GRIK2: variants seen among roughly 807,000 people sequenced by gnomAD.
The protein encoded by GRIK2 is glutamate receptor ionotropic, kainate 2.
GRIK2 carries 32 observed loss-of-function variants against 100.3 expected under a neutral mutation model. The ratio of observed to expected loss-of-function variants is 0.32; its 90% confidence interval spans 0.24 to 0.43. GRIK2 has a LOEUF of 0.43. GRIK2 is among the 20% of genes least tolerant of loss of function. The pLI, the probability that GRIK2 is intolerant of heterozygous loss-of-function variation, is 1.00. For missense variants in GRIK2, 843 were observed against 1,114.9 expected (o/e 0.76, Z 3.47); for synonymous variants, 417 against 389.4 (o/e 1.07, Z -0.83).
chr6:101,802,088 C>T (rs1780707313), intron 8 of GRIK2, among the ~76,000 whole-genome samples: 1 of 151,660 alleles, frequency 6.6e-6, no homozygotes, highest in South Asian at 2.1e-4. Flanking sequence ...GTCTCCTAGA[C>T]AGAAAATTGT....
chr6:101,837,243 T>C (rs62419287), intron 10 of GRIK2, among the ~76,000 whole-genome samples: 7,131 of 152,240 alleles, frequency 0.047, 239 homozygotes, highest in Middle Eastern at 0.068. Context: ...CAGACAGTAT[T>C]GTCTGAAATC....
intron 14 of GRIK2, among the ~76,000 whole-genome samples, chr6:101,988,124 TGTGTGTGTGCGCGC>T (rs1383592311): frequency 3.1e-4 from 8 of 26,146 alleles, no homozygotes; most frequent in South Asian, 1.3e-3. Flanking sequence ...TGTGTGTGTG[TGTGTGTGTGCGCGC>T]GCGCGCGCGC....
intron 14 of GRIK2, among the ~76,000 whole-genome samples, chr6:101,990,661 G>C (rs1217345441): frequency 6.6e-6 from 1 of 151,528 alleles, no homozygotes; most frequent in Non-Finnish European, 1.5e-5. Flanking sequence ...TTCATTAAGG[G>C]AAGTGAAAGG....
At chr6:101,884,812 T>G (rs1424015538) in intron 11 of GRIK2, among the ~76,000 whole-genome samples, 1 of 152,172 alleles carries the variant, frequency 6.6e-6, no homozygotes, top group Non-Finnish European at 1.5e-5. Context: ...AAACATTTAC[T>G]AAGCAGTTCC....
intron 4 of GRIK2, among the ~76,000 whole-genome samples, chr6:101,642,263 A>C (rs1276019880): frequency 2.0e-5 from 3 of 151,844 alleles, no homozygotes; most frequent in Non-Finnish European, 4.4e-5. Flanking sequence ...TACACATACA[A>C]TTTGCCATCT....
intron 5 of GRIK2, among the ~76,000 whole-genome samples, chr6:101,682,031 A>G (rs1478116532): frequency 6.6e-6 from 1 of 152,208 alleles, no homozygotes; most frequent in African/African-American, 2.4e-5. Flanking sequence ...TAATAACAAC[A>G]AAAACATTTC....
intron 7 of GRIK2, among the ~76,000 whole-genome samples, chr6:101,719,913 T>C (rs1178813132): frequency 6.6e-6 from 1 of 151,792 alleles, no homozygotes; most frequent in Admixed American, 6.6e-5. Flanking sequence ...TTTTAGGTCA[T>C]ACATTTTCTT....
chr6:101,874,604 T>G (rs1785680386), intron 11 of GRIK2, among the ~76,000 whole-genome samples: 1 of 152,086 alleles, frequency 6.6e-6, no homozygotes, highest in South Asian at 2.1e-4. Flanking sequence ...CCATATGAAT[T>G]TTAAAGTAGT....
chr6:102,052,096 C>T (rs1236616354), intron 15 of GRIK2, among the ~76,000 whole-genome samples: 1 of 152,258 alleles, frequency 6.6e-6, no homozygotes, highest in Non-Finnish European at 1.5e-5. Flanking sequence ...TCTTTGGTCT[C>T]AATGTGTCCT....
chr6:101,430,867 C>A, intron 2 of GRIK2: 2 of 337,536 alleles, frequency 5.9e-6, no homozygotes, highest in South Asian at 3.4e-5. Flanking sequence ...CGCACTATCT[C>A]CCACTAGGCA....
chr6:101,452,448 TG>T (rs1413219422), intron 2 of GRIK2, among the ~76,000 whole-genome samples: 1 of 95,634 alleles, frequency 1.0e-5, no homozygotes, highest in African/African-American at 4.8e-5. Flanking sequence ...GAAATTTTTG[TG>T]TTTTTTTTTT....
intron 2 of GRIK2, among the ~76,000 whole-genome samples, chr6:101,401,006 ATG>A (rs1345806451): frequency 6.6e-6 from 1 of 152,206 alleles, no homozygotes; most frequent in Non-Finnish European, 1.5e-5. Context: ...GTGTGTGTGC[ATG>A]TGTGTTTTTT....
At chr6:102,021,475 A>G (rs187061708) in intron 14 of GRIK2, among the ~76,000 whole-genome samples, 3 of 151,738 alleles carry the variant, frequency 2.0e-5, no homozygotes, top group African/African-American at 7.2e-5. Flanking sequence ...TTTATTTCAG[A>G]TAATTTTTAT....
intron 7 of GRIK2, among the ~76,000 whole-genome samples, chr6:101,731,138 C>T (rs1775239800): frequency 6.6e-6 from 1 of 152,028 alleles, no homozygotes; most frequent in Admixed American, 6.6e-5. Context: ...GAAAGTATTA[C>T]TCATCTTTAG....
chr6:101,658,568 C>T (rs548673706), intron 4 of GRIK2, among the ~76,000 whole-genome samples: 2 of 142,390 alleles, frequency 1.4e-5, no homozygotes, highest in African/African-American at 5.1e-5. Context: ...GGTATATACT[C>T]AGTAGTGGGA....
At chr6:101,939,648 T>G (rs922760141) in intron 14 of GRIK2, among the ~76,000 whole-genome samples, 1 of 152,136 alleles carries the variant, frequency 6.6e-6, no homozygotes, top group Admixed American at 6.6e-5. Flanking sequence ...ATAGTCAATC[T>G]TTTAAAACGG....
intron 14 of GRIK2, among the ~76,000 whole-genome samples, chr6:101,939,387 G>A (rs1790815896): frequency 6.6e-6 from 1 of 151,946 alleles, no homozygotes; most frequent in Non-Finnish European, 1.5e-5. Flanking sequence ...TCCTTATTGT[G>A]AGGAGCTTAA....
At chr6:101,403,681 C>T (rs1285595285) in intron 2 of GRIK2, among the ~76,000 whole-genome samples, 1 of 151,832 alleles carries the variant, frequency 6.6e-6, no homozygotes, top group Non-Finnish European at 1.5e-5. Context: ...CGCCACTCTA[C>T]AAATTCTTTG....
At chr6:101,626,354 T>C in intron 3 of GRIK2, 26 bp from the exon 4 acceptor site, 2 of 1,595,222 alleles carry the variant, frequency 1.3e-6, no homozygotes, top group Non-Finnish European at 1.7e-6. Context: ...CCTCTCATTA[T>C]TGACAGACCT....
Sources: gnomAD v4.1 joint callset for allele counts (sites outside exome capture counted in the v4.1 genomes callset) on GRCh38, gnomAD v4.1.1 for gene constraint, MANE v1.5 for transcripts, NCBI Gene and HGNC (gene_info 2026-07-23, HGNC 2026-07-21) for gene names.